The following SMAGP variants were observed in gnomAD, a reference collection of about 807,000 sequenced individuals.
SMAGP encodes the protein small cell adhesion glycoprotein.
SMAGP carries 7 observed loss-of-function variants against 10.1 expected under a neutral mutation model. That is an observed-to-expected ratio of 0.70 (90% CI 0.40 to 1.31). The LOEUF (loss-of-function observed/expected upper bound fraction) is 1.31. Among genes scored for constraint, SMAGP ranks in the 50% most tolerant of loss-of-function variants. The pLI is 0.01. For synonymous variants in SMAGP, 49 were observed against 47.2 expected, an observed-to-expected ratio of 1.04 and a Z score of -0.16; for missense variants, 113 against 116.5, an observed-to-expected ratio of 0.97 and a Z score of 0.14.
At chr12:51,254,787 G>C (rs549727750) in intron 2 of SMAGP, among the ~76,000 whole-genome samples, 6 of 152,184 alleles carry the variant, frequency 3.9e-5, no homozygotes, top group Admixed American at 3.9e-4. Flanking sequence ...CAGGCAGAGG[G>C]GACAGCAAGT....
intron 2 of SMAGP, 68 bp from the exon 3 acceptor site, chr12:51,246,899 C>A: frequency 8.0e-7 from 1 of 1,246,920 alleles, no homozygotes; most frequent in East Asian, 2.8e-5. Flanking sequence ...TATGTTTGGC[C>A]TTCAAATTTC....
At chr12:51,246,402 G>A (rs1944770236) in intron 3 of SMAGP, 1 of 474,820 alleles carries the variant, frequency 2.1e-6, no homozygotes, top group Non-Finnish European at 3.7e-6. Context: ...ACGGGAAGGA[G>A]GGAACAGGAA....
chr12:51,264,378 A>G (rs1385238725), intron 2 of SMAGP, among the ~76,000 whole-genome samples: 1 of 152,190 alleles, frequency 6.6e-6, no homozygotes, highest in Non-Finnish European at 1.5e-5. Flanking sequence ...TGCGCCTATA[A>G]TCTCAACAAC....
chr12:51,245,925 T>C lies in SMAGP; in HGVS notation c.*16A>G. 12 of 1,607,228 alleles carry C rather than the reference T, an allele frequency of 7.5e-6. No homozygotes were observed. The highest frequency in any genetic ancestry group is 9.4e-6 in the Non-Finnish European group (11 of 1,175,520). ...GCGATGGAGCCAGGAATAAGCTCCT[T>C]GGGGCCTGGGAGTCATTAGATGAAA... On this transcript the variant is annotated 3_prime_UTR_variant, in exon 4 of 4. Coordinates refer to ENST00000603798, the MANE Select transcript of SMAGP (RefSeq NM_001031628.2).
chr12:51,268,277 T>C (rs535088802), intron 2 of SMAGP, among the ~76,000 whole-genome samples: 1 of 151,108 alleles, frequency 6.6e-6, no homozygotes. Flanking sequence ...GCTTACGAGA[T>C]ACTACACACT....
At chr12:51,247,861 G>C (rs187859639) in intron 2 of SMAGP, among the ~76,000 whole-genome samples, 1 of 152,230 alleles carries the variant, frequency 6.6e-6, no homozygotes, top group Non-Finnish European at 1.5e-5. Flanking sequence ...CAGCTTGCAC[G>C]GTGAGGAGCT....
chr12:51,255,163 G>T (rs985642504), intron 2 of SMAGP, among the ~76,000 whole-genome samples: 2 of 152,174 alleles, frequency 1.3e-5, no homozygotes, highest in African/African-American at 4.8e-5. Context: ...AGCCTCTGGA[G>T]TAGCTGGGAA....
intron 2 of SMAGP, among the ~76,000 whole-genome samples, chr12:51,252,373 T>C (rs1487326263): frequency 5.6e-5 from 8 of 142,952 alleles, no homozygotes; most frequent in Admixed American, 4.9e-4. Flanking sequence ...GGATTACAGG[T>C]ATGAGCCACT....
chr12:51,260,367 TTTG>T (rs756029564), intron 2 of SMAGP, among the ~76,000 whole-genome samples: 9 of 149,320 alleles, frequency 6.0e-5, no homozygotes, highest in African/African-American at 2.0e-4. Flanking sequence ...GATTGTTTTT[TTTG>T]TTGTTGTTGT....
intron 2 of SMAGP, among the ~76,000 whole-genome samples, chr12:51,261,007 T>C (rs1944927780): frequency 6.6e-6 from 1 of 151,486 alleles, no homozygotes; most frequent in Non-Finnish European, 1.5e-5. Flanking sequence ...GTCAGGCTGG[T>C]CTCGAACTCC....
intron 2 of SMAGP, among the ~76,000 whole-genome samples, chr12:51,265,356 C>G (rs980974648): frequency 6.6e-6 from 1 of 152,170 alleles, no homozygotes; most frequent in Admixed American, 6.6e-5. Context: ...TATAGCAATT[C>G]CACTTCTGAG....
At chr12:51,257,006 C>G (rs1056758527) in intron 2 of SMAGP, among the ~76,000 whole-genome samples, 2 of 151,850 alleles carry the variant, frequency 1.3e-5, no homozygotes, top group Non-Finnish European at 2.9e-5. Flanking sequence ...GATACAAACC[C>G]GTAATTTAGG....
intron 2 of SMAGP, 50 bp downstream of exon 2, chr12:51,269,195 G>C (rs770937396): frequency 6.2e-7 from 1 of 1,605,226 alleles, no homozygotes; most frequent in South Asian, 1.1e-5. Flanking sequence ...CTGGGGAAGG[G>C]GATGTTGAAC....
intron 2 of SMAGP, among the ~76,000 whole-genome samples, chr12:51,267,892 C>T (rs979257405): frequency 1.3e-5 from 2 of 152,180 alleles, no homozygotes; most frequent in Non-Finnish European, 2.9e-5. Flanking sequence ...GGTGGTGTCA[C>T]TCACCTGTTT....
At position 51,246,767 on chromosome 12, in the gene SMAGP, G is replaced by A. The variant is rs200401466; in HGVS notation, c.99C>T (p.Ser33=). Residue 33 remains serine (S), a synonymous_variant, in exon 3 of 4, where the codon AGC becomes AGT. Coordinates refer to ENST00000603798, the MANE Select transcript of SMAGP (RefSeq NM_001031628.2). ...GTCTATTACCTGCAATGAGTGCTGT[G>A]CTGGCTCCATCTTCTGGGGACAGGG... The part of the protein sequence containing the change: ...TEALSPEDGA[S]TALIAVVITV... 2 of 1,588,536 alleles carry A rather than the reference G, an allele frequency of 1.3e-6. No homozygotes were observed. The highest frequency in any genetic ancestry group is 1.7e-6 in the Non-Finnish European group (2 of 1,167,534).
chr12:51,253,762 C>G (rs111428063), intron 2 of SMAGP, among the ~76,000 whole-genome samples: 6,322 of 152,040 alleles, frequency 0.042, 181 homozygotes, highest in Non-Finnish European at 0.063. Flanking sequence ...AAAAATTAGC[C>G]GGACGTGGTG....
At chr12:51,253,909 C>T (rs1470108261) in intron 2 of SMAGP, among the ~76,000 whole-genome samples, 3 of 149,450 alleles carry the variant, frequency 2.0e-5, no homozygotes, top group Admixed American at 1.3e-4. Context: ...CTGTCTCAAA[C>T]AAAAAAAAAG....
chr12:51,252,660 G>A (rs2137299574), intron 2 of SMAGP, among the ~76,000 whole-genome samples: 1 of 152,174 alleles, frequency 6.6e-6, no homozygotes, highest in South Asian at 2.1e-4. Flanking sequence ...CAAAGTGTTG[G>A]GATTACAGGC....
intron 2 of SMAGP, among the ~76,000 whole-genome samples, chr12:51,251,879 G>T (rs1161527408): frequency 6.6e-6 from 1 of 152,140 alleles, no homozygotes; most frequent in East Asian, 1.9e-4. Flanking sequence ...TGTTTAACAT[G>T]ATCAGAAGCA....
Sources: gnomAD v4.1 joint callset for allele counts (sites outside exome capture counted in the v4.1 genomes callset) on GRCh38, gnomAD v4.1.1 for gene constraint, MANE v1.5 for transcripts, NCBI Gene and HGNC (gene_info 2026-07-23, HGNC 2026-07-21) for gene names.